Variants in SNTG1 observed in about 807,000 individuals in gnomAD.
SNTG1 encodes the protein syntrophin gamma 1.
A neutral mutation model predicts 74.7 loss-of-function variants in SNTG1; 39 were observed. The ratio of observed to expected loss-of-function variants is 0.52; its 90% CI spans 0.40 to 0.68. SNTG1 has a LOEUF of 0.68. SNTG1 is among the 30% of genes least tolerant of loss of function. The pLI, the probability that SNTG1 is intolerant of heterozygous loss-of-function variation, is 0.00. For missense variants in SNTG1, 685 were observed against 609.5 expected (o/e 1.12, Z -1.30); for synonymous variants, 254 against 217.1 (o/e 1.17, Z -1.49).
intron 16 of SNTG1, chr8:50,707,900 C>T (rs1390777140): frequency 7.6e-6 from 3 of 392,338 alleles, no homozygotes; most frequent in Admixed American, 4.4e-5. Context: ...TTTCAGTATC[C>T]GTATTTACTA....
At position 50,724,286 on chromosome 8, in the gene SNTG1, ATC is replaced by A. The variant is rs2095494771; in HGVS notation, c.1284+15312_1284+15313del. 2.6e-5 allele frequency among the ~76,000 whole-genome samples: 4 copies of A among 152,260 alleles called. No individual in the cohort carries two copies. In the South Asian group the frequency reaches 8.3e-4, roughly 32 times the overall value. ...GGTGCCAAATGATTTTAAGTAAGGA[ATC>A]TCTGTTTGGGAAAGGGGTGGGTGTC... On this transcript the variant is annotated intron_variant, in intron 17 of 18. Transcript: ENST00000642720.
rs561883731 is a variant in SNTG1 at position 50,201,377 on chromosome 8, A to G, written c.-28+28742A>G. ...AAAGAAAAATTGAAAAGATAACACAAAGAGTTTCCACACATTCCACACAAA... is the reference window on the plus strand; with the variant it reads ...AAAGAAAAATTGAAAAGATAACACAGAGAGTTTCCACACATTCCACACAAA... On this transcript the variant is annotated intron_variant, in intron 2 of 18. Transcript: ENST00000642720. Among the ~76,000 whole-genome samples the G allele has an allele frequency of 2.0e-5, 3 of 152,340 alleles. No homozygotes were observed. The East Asian group carries it at 5.8e-4, about 29-fold the overall frequency.
At chr8:50,212,062 G>C (rs1000499716) in intron 2 of SNTG1, among the ~76,000 whole-genome samples, 1 of 151,956 alleles carries the variant, frequency 6.6e-6, no homozygotes, top group Non-Finnish European at 1.5e-5. Context: ...CACGCATTTT[G>C]GCAACATTGA....
intron 13 of SNTG1, among the ~76,000 whole-genome samples, chr8:50,641,086 C>T (rs1347865849): frequency 6.6e-6 from 1 of 152,170 alleles, no homozygotes; most frequent in Admixed American, 6.6e-5. Flanking sequence ...CTGCTATATG[C>T]CTGAACTCAT....
chr8:50,607,244 T>C (rs2130963487), intron 13 of SNTG1, among the ~76,000 whole-genome samples: 1 of 152,000 alleles, frequency 6.6e-6, no homozygotes, highest in South Asian at 2.1e-4. Context: ...TGAGAAAGCA[T>C]TTACGCTTCC....
At chr8:50,046,347 T>C (rs192113935) in intron 1 of SNTG1, among the ~76,000 whole-genome samples, 1 of 152,316 alleles carries the variant, frequency 6.6e-6, no homozygotes, top group Admixed American at 6.5e-5. Context: ...ATCTATTTTC[T>C]CATTCTCATC....
intron 2 of SNTG1, among the ~76,000 whole-genome samples, chr8:50,318,102 C>T (rs1224486073): frequency 6.6e-6 from 1 of 152,122 alleles, no homozygotes; most frequent in African/African-American, 2.4e-5. Flanking sequence ...TCCCAAAGTG[C>T]TGGGATTACA....
intron 1 of SNTG1, among the ~76,000 whole-genome samples, chr8:50,170,479 A>C (rs1242510455): frequency 6.6e-6 from 1 of 152,224 alleles, no homozygotes; most frequent in African/African-American, 2.4e-5. Context: ...TAAATTAAAA[A>C]AAAATCTGGA....
At chr8:50,694,313 T>C (rs1358571526) in intron 15 of SNTG1, among the ~76,000 whole-genome samples, 1 of 151,992 alleles carries the variant, frequency 6.6e-6, no homozygotes, top group African/African-American at 2.4e-5. Flanking sequence ...TGAAAAAGTA[T>C]ATGCCAAAAA....
At chr8:50,342,166 T>C (rs890846203) in intron 2 of SNTG1, among the ~76,000 whole-genome samples, 2 of 152,114 alleles carry the variant, frequency 1.3e-5, no homozygotes, top group African/African-American at 4.8e-5. Flanking sequence ...GCAATTTTTT[T>C]CCTTCTGCTC....
chr8:50,631,417 G>A (rs756904793), intron 13 of SNTG1, among the ~76,000 whole-genome samples: 15 of 152,158 alleles, frequency 9.9e-5, no homozygotes, highest in Non-Finnish European at 2.1e-4. Flanking sequence ...CATGAATCTA[G>A]TTTAACCAGA....
intron 4 of SNTG1, among the ~76,000 whole-genome samples, chr8:50,419,277 A>C (rs2093051926): frequency 6.6e-6 from 1 of 152,190 alleles, no homozygotes; most frequent in Non-Finnish European, 1.5e-5. Flanking sequence ...TACCACACAC[A>C]CACACAAAAG....
At chr8:50,712,247 G>A (rs1036862661) in intron 17 of SNTG1, among the ~76,000 whole-genome samples, 2 of 152,110 alleles carry the variant, frequency 1.3e-5, no homozygotes, top group African/African-American at 2.4e-5. Context: ...TGGAATTTGA[G>A]GGAAGAGGAG....
At chr8:50,511,593 G>A (rs576364403) in intron 9 of SNTG1, among the ~76,000 whole-genome samples, 6 of 152,190 alleles carry the variant, frequency 3.9e-5, no homozygotes, top group Admixed American at 1.3e-4. Context: ...ATGAATCTGG[G>A]TGCTCCTGTA....
chr8:50,019,410 A>G (rs1353273773), intron 1 of SNTG1, among the ~76,000 whole-genome samples: 1 of 152,088 alleles, frequency 6.6e-6, no homozygotes, highest in African/African-American at 2.4e-5. Context: ...AATTACCTTA[A>G]GATGGATAAA....
At chr8:50,707,368 T>C (rs1356879837) in intron 16 of SNTG1, among the ~76,000 whole-genome samples, 1 of 152,126 alleles carries the variant, frequency 6.6e-6, no homozygotes, top group Admixed American at 6.5e-5. Context: ...AATAGGTGGA[T>C]GTAAGCATGC....
At chr8:50,286,916 A>AG in intron 2 of SNTG1, 1 of 152,266 alleles carries the variant, frequency 6.6e-6, no homozygotes, top group Non-Finnish European at 1.5e-5. Flanking sequence ...CTTCATTACC[A>AG]GTCCTGTTGC....
chr8:50,394,177 G>C, intron 2 of SNTG1, 35 bp from the exon 3 acceptor site: 1 of 1,561,050 alleles, frequency 6.4e-7, no homozygotes, highest in Non-Finnish European at 8.8e-7. Context: ...ATGCCATGCT[G>C]TGCCTAATGG....
intron 9 of SNTG1, among the ~76,000 whole-genome samples, chr8:50,508,146 C>T (rs1241763810): frequency 2.6e-5 from 4 of 152,254 alleles, no homozygotes; most frequent in African/African-American, 9.6e-5. Context: ...TCAGTTCCTA[C>T]CTATGAGTGA....
Sources: gnomAD v4.1 joint callset for allele counts (sites outside exome capture counted in the v4.1 genomes callset) on GRCh38, gnomAD v4.1.1 for gene constraint, MANE v1.5 for transcripts, NCBI Gene and HGNC (gene_info 2026-07-23, HGNC 2026-07-21) for gene names.